Variants in VASP observed in about 807,000 individuals in gnomAD.
The protein encoded by VASP is vasodilator stimulated phosphoprotein, also known as vasodilator-stimulated phosphoprotein.
VASP carries 27 observed loss-of-function variants against 54.4 expected under a neutral mutation model. The observed-to-expected ratio is 0.50, with a 90% CI of 0.37 to 0.68. The LOEUF is 0.68. Among genes scored for constraint, VASP ranks in the 30% least tolerant of loss-of-function variants. The pLI, the probability that VASP is intolerant of heterozygous loss-of-function variation, is 0.00. For synonymous variants in VASP, 233 were observed against 209.8 expected, an observed-to-expected ratio of 1.11 and a Z score of -0.96; for missense variants, 488 against 528.3, an observed-to-expected ratio of 0.92 and a Z score of 0.75.
chr19:45,520,855 T>C (rs2122325307), intron 3 of VASP, among the ~76,000 whole-genome samples: 1 of 152,246 alleles, frequency 6.6e-6, no homozygotes, highest in African/African-American at 2.4e-5. Context: ...TCCCAGCTAC[T>C]CAGGAGGCTG....
Position 45,507,648 on chromosome 19 carries a change from A to G in VASP, c.-124A>G, listed in dbSNP as rs1599924968. 4 of 1,292,520 alleles carry G rather than the reference A, an allele frequency of 3.1e-6. No homozygotes were observed. In the East Asian group the frequency reaches 8.6e-5, roughly 28 times the overall value. The allele number at this position is 1,292,520 out of a possible 1,614,324, so 80.1% of individuals were successfully genotyped here. A position where few individuals can be genotyped will look rare whatever the true frequency, so the allele number is the denominator to read the frequency against. On this transcript the variant is annotated 5_prime_UTR_variant, in exon 1 of 13. An upstream start codon of the reference 5' UTR is lost. Transcript: ENST00000245932. The surrounding 1 kb of genome is among the most constrained non-coding windows in gnomAD (Gnocchi z 4.4). The stretch of plus-strand genomic sequence containing the variant: ...CATTCTCCCCAGGAAGCCGGACTCT[A>G]TGGGGCGGGACCCTGGGGGAGCCTG...
chr19:45,515,028 G>T (rs1187609131), intron 1 of VASP, among the ~76,000 whole-genome samples: 2 of 152,192 alleles, frequency 1.3e-5, no homozygotes, highest in Non-Finnish European at 2.9e-5. Flanking sequence ...AGTGACTTTG[G>T]GGGAGGGGCT....
Position 45,517,652 on chromosome 19 carries a change from C to G in VASP, c.6-11C>G, listed in dbSNP as rs761186668. On this transcript the variant is annotated splice_polypyrimidine_tract_variant and intron_variant, in intron 1 of 12. Coordinates refer to ENST00000245932, the MANE Select transcript of VASP (RefSeq NM_003370.4). The stretch of plus-strand genomic sequence containing the variant: ...GTGACCGGCCCCTCTCCCTTTTCCT[C>G]CCGCCTGCAGCGAGACGGTCATCTG... 1 of 1,603,966 alleles carries G rather than the reference C, an allele frequency of 6.2e-7. No homozygotes were observed. Among genetic ancestry groups the G allele is most frequent in the Non-Finnish European group, 8.5e-7 (1 of 1,179,024 alleles).
In VASP at chr19:45,524,107, G is replaced by T. The variant is rs1171175650; in HGVS notation, c.921G>T (p.Arg307=). The T allele has an allele frequency of 3.7e-6, 6 of 1,613,826 alleles. No homozygotes were observed. The East Asian group carries it at 1.3e-4, about 36-fold the overall frequency. The change falls in exon 10 of 13, where the codon CGG becomes CGT. Residue 307 remains arginine, a synonymous_variant. Transcript: ENST00000245932. ...CTTGCCTATCCCCAGAATCTGTGCG[G>T]AGACCCTGGGAGAAGAACAGCACAA... ...ARVPAQSESV[R]RPWEKNSTTL... is the part of the protein sequence containing the mutation.
intron 1 of VASP, 27 bp from the exon 2 acceptor site, chr19:45,517,636 C>T: frequency 6.3e-7 from 1 of 1,598,030 alleles, no homozygotes; most frequent in Non-Finnish European, 8.5e-7. Flanking sequence ...GGTGACCGGC[C>T]CCTCTCCCTT....
intron 1 of VASP, among the ~76,000 whole-genome samples, chr19:45,508,508 GGCGGCCCGGCTCCCCCACCTGC>G (rs1365544903): frequency 6.6e-6 from 1 of 152,172 alleles, no homozygotes; most frequent in Non-Finnish European, 1.5e-5. Context: ...CGGCCATAAG[GGCGGCCCGGCTCCCCCACCTGC>G]GCGGCCCTGG....
intron 7 of VASP, 50 bp downstream of exon 7, chr19:45,522,868 G>C: frequency 1.3e-6 from 2 of 1,547,808 alleles, no homozygotes; most frequent in Non-Finnish European, 1.7e-6. Flanking sequence ...AGTTCAGTAG[G>C]GCCCAGTCAG....
chr19:45,523,267 A>G (rs1968885959), intron 7 of VASP, among the ~76,000 whole-genome samples: 1 of 116,714 alleles, frequency 8.6e-6, no homozygotes, highest in South Asian at 3.0e-4. Context: ...CAGTGGTATG[A>G]TCTCGGTCCA....
At chr19:45,520,595 G>A (rs971756806) in intron 3 of VASP, among the ~76,000 whole-genome samples, 8 of 152,210 alleles carry the variant, frequency 5.3e-5, no homozygotes, top group Non-Finnish European at 1.0e-4. Flanking sequence ...CCAGAGGCCT[G>A]GAGGTAGGTG....
Position 45,526,352 on chromosome 19 carries a change from A to C in VASP, c.*175A>C, listed in dbSNP as rs1234780180. 1 of 722,234 alleles carries C rather than the reference A, an allele frequency of 1.4e-6. No individual in the cohort carries two copies. Among genetic ancestry groups the C allele is most frequent in the Non-Finnish European group, 2.1e-6 (1 of 472,836 alleles). The allele number at this position is 722,234 out of a possible 1,614,324, so 44.7% of individuals were successfully genotyped here. A position where few individuals can be genotyped will look rare whatever the true frequency, so the allele number is the denominator to read the frequency against. Reference sequence around the variant, plus strand: ...GTGTGGCTTCCCTGCTCACACCCACACTGGCTGCTGATTGGCTGGGGAGGC... The same window carrying C: ...GTGTGGCTTCCCTGCTCACACCCACCCTGGCTGCTGATTGGCTGGGGAGGC... On this transcript the variant is annotated 3_prime_UTR_variant, in exon 13 of 13. Coordinates refer to ENST00000245932, the MANE Select transcript of VASP (RefSeq NM_003370.4).
chr19:45,513,522 A>G (rs1968643835), intron 1 of VASP, among the ~76,000 whole-genome samples: 2 of 124,926 alleles, frequency 1.6e-5, no homozygotes, highest in African/African-American at 3.2e-5. Flanking sequence ...CCCAGACTGG[A>G]GTGCAGTGGT....
chr19:45,525,369 G>C (rs1279039667), intron 11 of VASP, among the ~76,000 whole-genome samples: 1 of 152,176 alleles, frequency 6.6e-6, no homozygotes, highest in African/African-American at 2.4e-5. Context: ...TTCAAGACCA[G>C]CCTGGCCAAC....
intron 4 of VASP, 90 bp downstream of exon 4, chr19:45,521,496 C>CTGCAAGTTCTGAA: frequency 8.3e-7 from 1 of 1,199,964 alleles, no homozygotes; most frequent in Non-Finnish European, 1.1e-6. Flanking sequence ...AGAACCCAGC[C>CTGCAAGTTCTGAA]AACTTGCAGT....
At chr19:45,508,116 C>A (rs1386093269) in intron 1 of VASP, among the ~76,000 whole-genome samples, 1 of 151,962 alleles carries the variant, frequency 6.6e-6, no homozygotes, top group African/African-American at 2.4e-5. Context: ...AGGGCTCAGA[C>A]TCTCCTCCCC....
At chr19:45,510,872 G>A (rs557035745) in intron 1 of VASP, among the ~76,000 whole-genome samples, 2 of 147,658 alleles carry the variant, frequency 1.4e-5, no homozygotes, top group East Asian at 2.0e-4. Context: ...GGTTGAGGCC[G>A]CAATGAGTCA....
chr19:45,522,684 C>T (rs1295447742), intron 6 of VASP, 34 bp from the exon 7 acceptor site: 31 of 1,599,832 alleles, frequency 1.9e-5, no homozygotes, highest in Non-Finnish European at 2.6e-5. Flanking sequence ...AAAGGCCTGC[C>T]CCTAAAGCTC....
At position 45,525,963 on chromosome 19, in the gene VASP, G is replaced by A. The variant is rs1383332584; in HGVS notation, c.1065G>A (p.Val355=). ...AATTTTAGGAGCTTCTGGAAGAGGTGAAGAAGGAATTGCAGAAAGTGAAAG... is the reference window on the plus strand; with the variant it reads ...AATTTTAGGAGCTTCTGGAAGAGGTAAAGAAGGAATTGCAGAAAGTGAAAG... ...QRVKQELLEE[V]KKELQKVKEE... is the part of the protein sequence containing the mutation. The change falls in exon 12 of 13, where the codon GTG becomes GTA. Residue 355 remains valine, a synonymous_variant. Coordinates refer to ENST00000245932, the MANE Select transcript of VASP (RefSeq NM_003370.4). 7 of 1,613,998 alleles carry A rather than the reference G, an allele frequency of 4.3e-6. No homozygotes were observed. In the Admixed American group the frequency reaches 8.3e-5, roughly 19 times the overall value.
intron 9 of VASP, 24 bp from the exon 10 acceptor site, chr19:45,524,069 ATCTT>A: frequency 1.2e-6 from 2 of 1,613,976 alleles, no homozygotes; most frequent in Non-Finnish European, 1.7e-6. Flanking sequence ...TTTGTCCCTG[ATCTT>A]TCTGATTTCT....
Position 45,526,313 on chromosome 19 carries a change from AAAAC to A in VASP, c.*137_*140del. 5 of 1,143,384 alleles carry A rather than the reference AAAAC, an allele frequency of 4.4e-6. No individual in the cohort carries two copies. The highest frequency in any genetic ancestry group is 6.0e-6 in the Non-Finnish European group (5 of 838,128). 70.8% of individuals were successfully genotyped at this position (1,143,384 alleles called of 1,614,324 possible). On this transcript the variant is annotated 3_prime_UTR_variant, in exon 13 of 13. Transcript: ENST00000245932. ...CGTTCCCACTCCCCATCCCACTTGG[AAAAC>A]TCCAAGGGGGTGTGGCTTCCCTGCT... is the stretch of plus-strand genomic sequence containing the variant.
Sources: allele counts gnomAD v4.1 joint callset (sites outside exome capture counted in the v4.1 genomes callset), GRCh38; gene constraint gnomAD v4.1.1; non-coding constraint Gnocchi (gnomAD v3.1); transcripts MANE v1.5; gene names NCBI Gene and HGNC (gene_info 2026-07-23, HGNC 2026-07-21).